MARCHF1: variants seen among roughly 807,000 people sequenced by gnomAD.
MARCHF1 encodes E3 ubiquitin-protein ligase MARCHF1.
In MARCHF1, 40 loss-of-function variants were observed where a neutral mutation model predicts 54.2. The observed-to-expected ratio is 0.74, with a 90% CI of 0.57 to 0.96. MARCHF1 has a LOEUF of 0.96. Ranked by LOEUF, MARCHF1 falls within the 40% of genes least tolerant of loss-of-function variation. The probability of loss-of-function intolerance (pLI) is 0.00; values close to 1 mark genes in which losing one functional copy is unlikely to be tolerated. For missense variants in MARCHF1, 586 were observed against 656.5 expected, an observed-to-expected ratio of 0.89 and a Z score of 1.17; for synonymous variants, 236 against 236.3, an observed-to-expected ratio of 1.00 and a Z score of 0.01.
chr4:164,036,692 A>T (rs982734413), intron 2 of MARCHF1, among the ~76,000 whole-genome samples: 2 of 152,196 alleles, frequency 1.3e-5, no homozygotes, highest in Non-Finnish European at 2.9e-5. Flanking sequence ...GTAAGGAGAT[A>T]AAAAATGTTC....
At chr4:164,052,343 C>A (rs889965200) in intron 2 of MARCHF1, among the ~76,000 whole-genome samples, 1 of 151,832 alleles carries the variant, frequency 6.6e-6, no homozygotes, top group Non-Finnish European at 1.5e-5. Context: ...ACCAGCCTGG[C>A]CAACATGGTA....
chr4:164,172,897 C>A (rs34056532), intron 1 of MARCHF1, among the ~76,000 whole-genome samples: 28,463 of 150,920 alleles, frequency 0.19, 4,303 homozygotes, highest in African/African-American at 0.41. Context: ...AGGAGAATGG[C>A]GTGAACCCGC....
chr4:164,368,033 C>CA (rs965073840), intron 1 of MARCHF1, among the ~76,000 whole-genome samples: 21 of 104,608 alleles, frequency 2.0e-4, no homozygotes, highest in African/African-American at 4.7e-4. Flanking sequence ...GAATTCAACA[C>CA]AAAAAAAAGA....
intron 1 of MARCHF1, among the ~76,000 whole-genome samples, chr4:164,187,778 TG>T (rs1269167665): frequency 6.6e-6 from 1 of 152,172 alleles, no homozygotes; most frequent in African/African-American, 2.4e-5. Flanking sequence ...TAGTCACAAT[TG>T]TTTCATGTAA....
At chr4:163,910,459 A>T (rs1019007530) in intron 3 of MARCHF1, among the ~76,000 whole-genome samples, 1 of 151,976 alleles carries the variant, frequency 6.6e-6, no homozygotes, top group African/African-American at 2.4e-5. Context: ...AAGTGACCCC[A>T]GTTTTTCTAA....
At chr4:164,145,441 G>A (rs144076815) in intron 1 of MARCHF1, among the ~76,000 whole-genome samples, 6 of 151,840 alleles carry the variant, frequency 4.0e-5, no homozygotes, top group Non-Finnish European at 5.9e-5. Context: ...CTGGCAAAAC[G>A]AATCCAGCAG....
intron 4 of MARCHF1, among the ~76,000 whole-genome samples, chr4:163,846,417 T>C (rs1749486454): frequency 6.6e-6 from 1 of 152,160 alleles, no homozygotes; most frequent in Non-Finnish European, 1.5e-5. Flanking sequence ...TTCTGGTCCA[T>C]TTGCTGTAGG....
At chr4:163,895,690 G>T (rs184534632) in intron 3 of MARCHF1, among the ~76,000 whole-genome samples, 77 of 152,256 alleles carry the variant, frequency 5.1e-4, no homozygotes, top group African/African-American at 1.8e-3. Context: ...GTTCTGTTTT[G>T]ATCAGGTTTC....
chr4:164,090,012 C>A (rs1195367658), intron 2 of MARCHF1, among the ~76,000 whole-genome samples: 3 of 151,300 alleles, frequency 2.0e-5, no homozygotes, highest in Non-Finnish European at 4.4e-5. Flanking sequence ...TCTTAGAATT[C>A]ATATTGAACT....
At chr4:163,678,989 A>T (rs1436885645) in intron 5 of MARCHF1, among the ~76,000 whole-genome samples, 1 of 152,140 alleles carries the variant, frequency 6.6e-6, no homozygotes, top group Admixed American at 6.5e-5. Flanking sequence ...AACTAACGAG[A>T]TGTATACTTT....
chr4:164,370,380 C>T (rs1028730850), intron 1 of MARCHF1, among the ~76,000 whole-genome samples: 5 of 152,128 alleles, frequency 3.3e-5, no homozygotes, highest in African/African-American at 1.2e-4. Context: ...AATAGAGGAG[C>T]GGTGGCCATC....
At chr4:163,734,315 C>T (rs1449809326) in intron 4 of MARCHF1, among the ~76,000 whole-genome samples, 2 of 152,138 alleles carry the variant, frequency 1.3e-5, no homozygotes, top group Non-Finnish European at 2.9e-5. Context: ...TTTAGTCATT[C>T]TATTCTTAGG....
chr4:164,324,697 G>T (rs1735227865), intron 1 of MARCHF1, among the ~76,000 whole-genome samples: 1 of 151,090 alleles, frequency 6.6e-6, no homozygotes, highest in South Asian at 2.1e-4. Context: ...AATTTGAAAA[G>T]AAAATAACAA....
chr4:164,234,480 T>C (rs952774981), intron 1 of MARCHF1, among the ~76,000 whole-genome samples: 1 of 152,134 alleles, frequency 6.6e-6, no homozygotes, highest in Non-Finnish European at 1.5e-5. Context: ...AATTAATTTA[T>C]TGACACTCCT....
chr4:164,241,287 G>A (rs1455433332), intron 1 of MARCHF1, among the ~76,000 whole-genome samples: 1 of 152,030 alleles, frequency 6.6e-6, no homozygotes, highest in Non-Finnish European at 1.5e-5. Context: ...CAGAACTCTT[G>A]AGGAAGGGGA....
At chr4:164,155,334 C>CAATAAA (rs1730049416) in intron 1 of MARCHF1, among the ~76,000 whole-genome samples, 1 of 149,458 alleles carries the variant, frequency 6.7e-6, no homozygotes, top group Non-Finnish European at 1.5e-5. Context: ...ACTAAACTTT[C>CAATAAA]AAAAAAAAAA....
chr4:164,263,333 T>C (rs1287295397), intron 1 of MARCHF1, among the ~76,000 whole-genome samples: 1 of 152,218 alleles, frequency 6.6e-6, no homozygotes, highest in Non-Finnish European at 1.5e-5. Flanking sequence ...ATCTGCAATA[T>C]ATATACATAT....
chr4:164,263,956 C>T (rs1277681729), intron 1 of MARCHF1, among the ~76,000 whole-genome samples: 1 of 152,116 alleles, frequency 6.6e-6, no homozygotes, highest in Non-Finnish European at 1.5e-5. Flanking sequence ...GAGCTAAAAG[C>T]AGAGTTACCA....
At chr4:163,883,394 A>C (rs1750462858) in intron 3 of MARCHF1, among the ~76,000 whole-genome samples, 1 of 148,796 alleles carries the variant, frequency 6.7e-6, no homozygotes, top group East Asian at 2.0e-4. Flanking sequence ...AAGGGCTCAT[A>C]ATTACTCAGC....
Sources: gnomAD v4.1 joint callset for allele counts (sites outside exome capture counted in the v4.1 genomes callset) on GRCh38, gnomAD v4.1.1 for gene constraint, MANE v1.5 for transcripts, NCBI Gene and HGNC (gene_info 2026-07-23, HGNC 2026-07-21) for gene names.